The following TUB variants were observed in gnomAD, a reference collection of about 807,000 sequenced individuals.
The protein encoded by TUB is TUB bipartite transcription factor, also known as tubby protein homolog.
A neutral mutation model predicts 59.7 loss-of-function variants in TUB; 33 were observed. The observed-to-expected ratio is 0.55, with a 90% CI of 0.42 to 0.74. The LOEUF is 0.74. TUB is among the 30% of genes least tolerant of loss of function. The pLI is 0.00. For missense variants in TUB, 659 were observed against 672.0 expected (o/e 0.98, Z 0.21); for synonymous variants, 293 against 256.4 (o/e 1.14, Z -1.36).
chr11:8,039,166 G>A, intron 1 of TUB: 1 of 1,142,328 alleles, frequency 8.8e-7, no homozygotes, highest in Non-Finnish European at 1.2e-6. Context: ...ATCACCACGT[G>A]GAGCCCCACA....
chr11:8,038,943 G>C, exon 1 of TUB: 1 of 1,614,056 alleles, frequency 6.2e-7, no homozygotes, highest in Non-Finnish European at 8.5e-7. Context: ...TTTGTTCCCA[G>C]GAGGCACTCC....
intron 4 of TUB, among the ~76,000 whole-genome samples, chr11:8,095,077 T>C (rs903257436): frequency 6.6e-6 from 1 of 152,200 alleles, no homozygotes; most frequent in Non-Finnish European, 1.5e-5. Context: ...ACTGCACGTG[T>C]GTATGTTGTG....
intron 2 of TUB, among the ~76,000 whole-genome samples, chr11:8,070,395 A>T (rs1457113981): frequency 6.6e-6 from 1 of 152,188 alleles, no homozygotes; most frequent in Non-Finnish European, 1.5e-5. Flanking sequence ...ACCACTGTAA[A>T]TGAGATCTTT....
At chr11:8,040,155 G>A (rs956219374) in intron 2 of TUB, among the ~76,000 whole-genome samples, 4 of 152,174 alleles carry the variant, frequency 2.6e-5, no homozygotes, top group Non-Finnish European at 4.4e-5. Flanking sequence ...CCCTGCCCCG[G>A]GGTGCCGTCC....
chr11:8,062,299 C>A (rs1179378379), intron 2 of TUB: 1 of 152,644 alleles, frequency 6.6e-6, no homozygotes, highest in Admixed American at 6.5e-5. Flanking sequence ...CGGGCATGGA[C>A]CAAGAGCTCC....
At chr11:8,058,615 A>G (rs1943063167) in intron 2 of TUB, among the ~76,000 whole-genome samples, 1 of 152,272 alleles carries the variant, frequency 6.6e-6, no homozygotes, top group South Asian at 2.1e-4. Flanking sequence ...AGATTTTTCC[A>G]GTATTCAGAA....
At position 8,081,498 on chromosome 11, in the gene TUB, G is replaced by A; in HGVS notation, c.-13G>A. ...CCTCCAGAGCCGCAGCCACCGCCCC[G>A]CCCCCGAGAGACATGACTTCCAAGC... On this transcript the variant is annotated 5_prime_UTR_variant, in exon 1 of 12. Transcript: ENST00000299506. 2 of 1,525,618 alleles carry A rather than the reference G, an allele frequency of 1.3e-6. No homozygotes were observed. The highest frequency in any genetic ancestry group is 1.7e-6 in the Non-Finnish European group (2 of 1,143,276). 94.5% of individuals were successfully genotyped at this position (1,525,618 alleles called of 1,614,324 possible). A position where few individuals can be genotyped will look rare whatever the true frequency, so the allele number is the denominator to read the frequency against.
At chr11:8,071,106 A>G (rs1273377899) in intron 2 of TUB, among the ~76,000 whole-genome samples, 2 of 152,120 alleles carry the variant, frequency 1.3e-5, no homozygotes, top group African/African-American at 2.4e-5. Flanking sequence ...ATTGTTCCTA[A>G]GCACTCATCA....
chr11:8,037,850 C>T (rs1942673736), upstream of TUB, among the ~76,000 whole-genome samples: 1 of 152,106 alleles, frequency 6.6e-6, no homozygotes, highest in Non-Finnish European at 1.5e-5. Flanking sequence ...TTAGGAAGCT[C>T]ACTCTGGTGT....
In TUB at chr11:8,104,184, C is replaced by CTACCTGGATGG. The variant is rs1441048716; in HGVS notation, c.*2566_*2576dup. 6.6e-6 allele frequency: 1 copy of CTACCTGGATGG among 152,314 alleles called. No individual in the cohort carries two copies. The highest frequency in any genetic ancestry group is 1.5e-5 in the Non-Finnish European group (1 of 68,118). The allele number at this position is 152,314 out of a possible 1,614,324, so 9.4% of individuals were successfully genotyped here. On this transcript the variant is annotated 3_prime_UTR_variant, in exon 12 of 12. Coordinates refer to ENST00000299506, the MANE Select transcript of TUB (RefSeq NM_177972.3). ...TAAGAGTTCTTGCCCTTCATACCCT[C>CTACCTGGATGG]TACCTGGATGGATGGTCTTTGGGCA...
chr11:8,072,215 G>A (rs956660631), intron 2 of TUB, among the ~76,000 whole-genome samples: 7 of 152,168 alleles, frequency 4.6e-5, no homozygotes, highest in Admixed American at 2.0e-4. Flanking sequence ...ACCCCTGGGC[G>A]TGATCTCACC....
upstream of TUB, among the ~76,000 whole-genome samples, chr11:8,036,286 A>G (rs764847075): frequency 1.3e-5 from 2 of 152,262 alleles, no homozygotes; most frequent in East Asian, 3.9e-4. Context: ...CTGAGCCCCT[A>G]CTGCAGCACA....
chr11:8,038,317 C>G (rs1482553760), upstream of TUB, among the ~76,000 whole-genome samples: 1 of 152,078 alleles, frequency 6.6e-6, no homozygotes, highest in Non-Finnish European at 1.5e-5. Flanking sequence ...ATGGGAACAC[C>G]CAGGTGCATT....
chr11:8,031,317 C>T (rs1009611283), intron 1 of TUB, among the ~76,000 whole-genome samples: 1 of 152,194 alleles, frequency 6.6e-6, no homozygotes, highest in Admixed American at 6.5e-5. Context: ...TTTCCTGGGC[C>T]CAAGATTACA....
intron 2 of TUB, among the ~76,000 whole-genome samples, chr11:8,046,010 C>T (rs1942824677): frequency 1.3e-5 from 2 of 152,300 alleles, no homozygotes; most frequent in Non-Finnish European, 2.9e-5. Flanking sequence ...CAAGCATGTG[C>T]AGATCAGTAC....
At chr11:8,055,931 G>A (rs1050648598) in intron 2 of TUB, among the ~76,000 whole-genome samples, 3 of 152,186 alleles carry the variant, frequency 2.0e-5, no homozygotes, top group Non-Finnish European at 1.5e-5. Context: ...TGGGCTCAGC[G>A]TTCACTGCAG....
In TUB at chr11:8,094,373, G is replaced by A. The variant is rs74954450; in HGVS notation, c.397+184G>A. Among the ~76,000 whole-genome samples the A allele has an allele frequency of 9.3e-4, 142 of 152,202 alleles. 3 individuals are homozygous for A. In the East Asian group the frequency reaches 0.021, roughly 22 times the overall value. ...CCTCATCTAGCTTGGGAGGTGCCTGGGCTGCCTCTGGGTGTGGGCATGCCT... is the reference window on the plus strand; with the variant it reads ...CCTCATCTAGCTTGGGAGGTGCCTGAGCTGCCTCTGGGTGTGGGCATGCCT... On this transcript the variant is annotated intron_variant, in intron 4 of 11. Transcript: ENST00000299506.
intron 9 of TUB, among the ~76,000 whole-genome samples, chr11:8,100,082 CCAA>C (rs1944201776): frequency 6.6e-6 from 1 of 152,006 alleles, no homozygotes; most frequent in Non-Finnish European, 1.5e-5. Context: ...AATAGGAGGG[CCAA>C]CAACAGAAAC....
At chr11:8,063,740 A>G (rs1486488402) in intron 2 of TUB, among the ~76,000 whole-genome samples, 1 of 152,228 alleles carries the variant, frequency 6.6e-6, no homozygotes, top group Non-Finnish European at 1.5e-5. Context: ...AAAGGGCATG[A>G]ACAATTTTAT....
Sources: allele counts gnomAD v4.1 joint callset (sites outside exome capture counted in the v4.1 genomes callset), GRCh38; gene constraint gnomAD v4.1.1; transcripts MANE v1.5; gene names NCBI Gene and HGNC (gene_info 2026-07-23, HGNC 2026-07-21).